SNAPC3: variants seen among roughly 807,000 people sequenced by gnomAD.
SNAPC3 encodes the protein snRNA-activating protein complex subunit 3.
A neutral mutation model predicts 47.7 loss-of-function variants in SNAPC3; 56 were observed. That is an observed-to-expected ratio of 1.18 (90% CI 0.95 to 1.47). SNAPC3 has a LOEUF of 1.47. Among genes scored for constraint, SNAPC3 ranks in the 40% most tolerant of loss-of-function variants. The pLI is 0.00. For synonymous variants in SNAPC3, 235 were observed against 189.9 expected (o/e 1.24, Z -1.95); for missense variants, 665 against 511.3 (o/e 1.30, Z -2.90).
Position 15,437,816 on chromosome 9 carries a change from A to G in SNAPC3, c.477+4180A>G, listed in dbSNP as rs114871969. ...GACATTAGAAATCAATAACAGAAGA[A>G]AAGTTGGAAAATTCACAAAAATTAA... On this transcript the variant is annotated intron_variant, in intron 3 of 8. Coordinates refer to ENST00000380821, the MANE Select transcript of SNAPC3 (RefSeq NM_001039697.2). Among the ~76,000 whole-genome samples, 668 of 152,254 alleles carry G rather than the reference A, an allele frequency of 4.4e-3. 3 individuals carry two copies. Among genetic ancestry groups the G allele is most frequent in the African/African-American group, 0.015 (643 of 41,552 alleles).
Position 15,457,986 on chromosome 9 carries a change from A to G in SNAPC3, c.1007A>G (p.Asp336Gly), listed in dbSNP as rs1031292595. ...IRLVHHDDCL[D>G]RTLYPLLIKK... ...CTTGTGCATCATGATGACTGCTTGG[A>G]TAGGACATTGTATCCCCTCCTTATC... The change falls in exon 8 of 9, where the codon GAT becomes GGT. Residue 336 changes from aspartate (D) to glycine (G), a missense_variant. Physicochemically the swap from Asp to Gly is moderately conservative, Grantham distance 94. Coordinates refer to ENST00000380821, the MANE Select transcript of SNAPC3 (RefSeq NM_001039697.2). The G allele has an allele frequency of 1.3e-6, 2 of 1,591,668 alleles. No individual in the cohort carries two copies. The highest frequency in any genetic ancestry group is 3.7e-5 in the Admixed American group (2 of 53,638).
chr9:15,428,994 G>A (rs568678020), intron 2 of SNAPC3, among the ~76,000 whole-genome samples: 1 of 152,056 alleles, frequency 6.6e-6, no homozygotes, highest in Non-Finnish European at 1.5e-5. Flanking sequence ...ATCTAGAAAG[G>A]GTTCCCTAGG....
chr9:15,440,774 C>G (rs529797395), intron 3 of SNAPC3, among the ~76,000 whole-genome samples: 4 of 152,166 alleles, frequency 2.6e-5, no homozygotes, highest in African/African-American at 9.6e-5. Context: ...ACAGTGAAAC[C>G]CCGTCTCTAC....
At chr9:15,434,740 G>T (rs569667624) in intron 3 of SNAPC3, among the ~76,000 whole-genome samples, 1 of 152,008 alleles carries the variant, frequency 6.6e-6, no homozygotes, top group African/African-American at 2.4e-5. Flanking sequence ...TGTTTTATAG[G>T]TTCATCCATA....
rs553600154 is a variant in SNAPC3 at position 15,423,213 on chromosome 9, G to C, written c.314+20G>C. On this transcript the variant is annotated intron_variant, in intron 1 of 8. Coordinates refer to ENST00000380821, the MANE Select transcript of SNAPC3 (RefSeq NM_001039697.2). ...GTGCGGGTGAGTGCGGAGCAAAGGG[G>C]CTCTTGCAGCTTGGGGTCAAACAGG... The C allele has an allele frequency of 1.1e-4, 167 of 1,556,816 alleles. 1 individual carries two copies. In the South Asian group the frequency reaches 1.4e-3, roughly 13 times the overall value.
intron 6 of SNAPC3, among the ~76,000 whole-genome samples, chr9:15,451,941 A>T (rs1218181397): frequency 6.7e-6 from 1 of 148,940 alleles, no homozygotes; most frequent in Non-Finnish European, 1.5e-5. Context: ...ATTACAGTAT[A>T]CAAGTATATA....
At chr9:15,452,027 G>A (rs1254617250) in intron 6 of SNAPC3, among the ~76,000 whole-genome samples, 1 of 151,942 alleles carries the variant, frequency 6.6e-6, no homozygotes, top group Non-Finnish European at 1.5e-5. Flanking sequence ...ATGGTGGCAC[G>A]ATCTCAGCTC....
chr9:15,465,592 G>C, downstream of SNAPC3: 1 of 1,561,732 alleles, frequency 6.4e-7, no homozygotes, highest in East Asian at 2.3e-5. Flanking sequence ...TGAAGAAAAG[G>C]GGGAAAGGTA....
At chr9:15,466,569 A>G (rs2035640720), downstream of SNAPC3, among the ~76,000 whole-genome samples, 1 of 152,184 alleles carries the variant, frequency 6.6e-6, no homozygotes, top group African/African-American at 2.4e-5. Context: ...TGGCAAAGTC[A>G]CTGTCAATAA....
intron 2 of SNAPC3, among the ~76,000 whole-genome samples, chr9:15,430,155 G>T (rs1434593676): frequency 6.6e-6 from 1 of 152,224 alleles, no homozygotes; most frequent in Non-Finnish European, 1.5e-5. Context: ...AACAGGTTGC[G>T]TGCAGTGGCT....
chr9:15,435,645 CTA>C (rs1274484244), intron 3 of SNAPC3, among the ~76,000 whole-genome samples: 2 of 151,174 alleles, frequency 1.3e-5, no homozygotes, highest in Non-Finnish European at 2.9e-5. Context: ...AGGACAATCA[CTA>C]GAACCCAGGA....
At chr9:15,454,762 C>T (rs962868685) in intron 7 of SNAPC3, among the ~76,000 whole-genome samples, 1 of 151,992 alleles carries the variant, frequency 6.6e-6, no homozygotes, top group Non-Finnish European at 1.5e-5. Flanking sequence ...ACAGTGAAAG[C>T]GTCTCTACTA....
intron 2 of SNAPC3, among the ~76,000 whole-genome samples, chr9:15,425,475 C>T (rs371495954): frequency 1.3e-5 from 2 of 152,180 alleles, no homozygotes; most frequent in African/African-American, 4.8e-5. Context: ...AACTCGTTCT[C>T]CCAAAGTGCT....
intron 6 of SNAPC3, among the ~76,000 whole-genome samples, chr9:15,452,798 CACATTTTGCATTTAAGCTAAA>C (rs1342349933): frequency 6.6e-6 from 1 of 152,178 alleles, no homozygotes; most frequent in African/African-American, 2.4e-5. Flanking sequence ...GGCATTGTTA[CACATTTTGCATTTAAGCTAAA>C]GTGATGCACA....
At chr9:15,438,656 T>G (rs2033044556) in intron 3 of SNAPC3, among the ~76,000 whole-genome samples, 1 of 152,214 alleles carries the variant, frequency 6.6e-6, no homozygotes, top group Non-Finnish European at 1.5e-5. Context: ...GTTGTTAAAT[T>G]TCCACATACT....
At chr9:15,455,021 G>T (rs1055877783) in intron 7 of SNAPC3, among the ~76,000 whole-genome samples, 2 of 152,220 alleles carry the variant, frequency 1.3e-5, no homozygotes, top group Admixed American at 1.3e-4. Context: ...TCGTCCAACA[G>T]ATGTCAACTG....
chr9:15,447,234 A>C lies in SNAPC3; in HGVS notation c.722A>C (p.His241Pro), dbSNP rs1168807706. The change falls in exon 5 of 9, where the codon CAC becomes CCC. Residue 241 changes from histidine to proline, a missense_variant. Transcript: ENST00000380821. ...FSNTPDQAPEHISKDLYKSAF... is the reference protein window; with the variant it reads ...FSNTPDQAPEPISKDLYKSAF... ...AACACTCCTGACCAAGCCCCTGAGC[A>C]CATCAGCAAAGTAAGGTGATTTCCT... 1 of 1,613,968 alleles carries C rather than the reference A, an allele frequency of 6.2e-7. No individual in the cohort carries two copies. Among genetic ancestry groups the C allele is most frequent in the East Asian group, 2.2e-5 (1 of 44,870 alleles).
At position 15,447,156 on chromosome 9, in the gene SNAPC3, T is replaced by G. The variant is rs1418332259; in HGVS notation, c.644T>G (p.Leu215Arg). 6.2e-7 allele frequency: 1 copy of G among 1,613,858 alleles called. No individual in the cohort carries two copies. The highest frequency in any genetic ancestry group is 8.5e-7 in the Non-Finnish European group (1 of 1,179,746). ...LVLGSQKLTQ[L>R]RDSIRCVSDL... Reference sequence around the variant, plus strand: ...TTGGGCAGTCAAAAACTCACACAACTGAGGGATTCAATTCGATGTGTCAGT... The same window carrying G: ...TTGGGCAGTCAAAAACTCACACAACGGAGGGATTCAATTCGATGTGTCAGT... Residue 215 changes from leucine (L) to arginine (R), a missense_variant, in exon 5 of 9, where the codon CTG becomes CGG. Physicochemically the swap from Leu to Arg is moderately radical, Grantham distance 102. Transcript: ENST00000380821.
Position 15,453,045 on chromosome 9 carries a change from A to G in SNAPC3, c.820A>G (p.Ile274Val), listed in dbSNP as rs1261503544. The G allele has an allele frequency of 4.3e-6, 7 of 1,612,084 alleles. No homozygotes were observed. Among genetic ancestry groups the G allele is most frequent in the Non-Finnish European group, 5.9e-6 (7 of 1,179,106 alleles). ...CCTTGCCTTTTCCCCCCTCAGAACTATCATTGAGTGGTCAGAGTCCCATGA... is the reference window on the plus strand; with the variant it reads ...CCTTGCCTTTTCCCCCCTCAGAACTGTCATTGAGTGGTCAGAGTCCCATGA... ...YPECRDLSRT[I>V]IEWSESHDRG... The change falls in exon 7 of 9, where the codon ATC becomes GTC. Residue 274 changes from isoleucine to valine, a missense_variant. Ile to Val is a conservative substitution (Grantham distance 29). Transcript: ENST00000380821.
Sources: allele counts gnomAD v4.1 joint callset (sites outside exome capture counted in the v4.1 genomes callset), GRCh38; gene constraint gnomAD v4.1.1; transcripts MANE v1.5; gene names NCBI Gene and HGNC (gene_info 2026-07-23, HGNC 2026-07-21).